Variants in FGF14 observed in about 807,000 individuals in gnomAD.
The protein encoded by FGF14 is fibroblast growth factor homologous factor 4.
FGF14 carries 5 observed loss-of-function variants against 25.5 expected under a neutral mutation model. That is an observed-to-expected ratio of 0.20 (90% CI 0.10 to 0.41). The LOEUF is 0.41. Among genes scored for constraint, FGF14 ranks in the 10% least tolerant of loss-of-function variants. FGF14 has a pLI of 1.00. For missense variants in FGF14, 222 were observed against 320.1 expected, an observed-to-expected ratio of 0.69 and a Z score of 2.34; for synonymous variants, 138 against 118.3, an observed-to-expected ratio of 1.17 and a Z score of -1.08.
chr13:102,195,047 C>T (rs1168460742), intron 1 of FGF14, among the ~76,000 whole-genome samples: 2 of 152,094 alleles, frequency 1.3e-5, no homozygotes, highest in East Asian at 3.9e-4. Flanking sequence ...AAAGTGAAGA[C>T]ATTGCCATAT....
At position 101,718,039 on chromosome 13, in the gene FGF14, GT is replaced by G. The variant is rs1214430372; in HGVS notation, c.*4791del. 1 of 152,074 alleles carries G rather than the reference GT, an allele frequency of 6.6e-6. No individual in the cohort carries two copies. Among genetic ancestry groups the G allele is most frequent in the Non-Finnish European group, 1.5e-5 (1 of 67,996 alleles). 9.4% of individuals were successfully genotyped at this position (152,074 alleles called of 1,614,324 possible). ...TATCATACCATAAAAAGTTCAAAAT[GT>G]GATTCATCTAAAATTTTGGACAAAG... On this transcript the variant is annotated 3_prime_UTR_variant, in exon 5 of 5. Transcript: ENST00000376143.
At chr13:101,863,223 G>T (rs2044516997) in intron 3 of FGF14, among the ~76,000 whole-genome samples, 1 of 152,084 alleles carries the variant, frequency 6.6e-6, no homozygotes, top group Non-Finnish European at 1.5e-5. Flanking sequence ...AAAAGATAAA[G>T]AATAAAATAA....
intron 1 of FGF14, among the ~76,000 whole-genome samples, chr13:102,399,979 T>G (rs567285861): frequency 3.3e-5 from 5 of 152,262 alleles, no homozygotes; most frequent in African/African-American, 9.6e-5. Context: ...GTCTAACAAC[T>G]CGCAGTTTCT....
chr13:101,943,824 A>T (rs57069031), intron 1 of FGF14, among the ~76,000 whole-genome samples: 55,928 of 125,576 alleles, frequency 0.45, 12,231 homozygotes, highest in East Asian at 0.59. Context: ...AAAAAAAAAA[A>T]AAATATATAT....
At chr13:101,868,597 C>T (rs548959237) in intron 3 of FGF14, 128 bp downstream of exon 3, 32 of 744,070 alleles carry the variant, frequency 4.3e-5, no homozygotes, top group South Asian at 3.5e-4. Flanking sequence ...TAAGCATTCT[C>T]GCAAAGATCA....
intron 1 of FGF14, among the ~76,000 whole-genome samples, chr13:102,200,216 T>G (rs1253071296): frequency 6.6e-6 from 1 of 152,210 alleles, no homozygotes; most frequent in Non-Finnish European, 1.5e-5. Flanking sequence ...GAATTTCATT[T>G]AATCCTTGTT....
intron 1 of FGF14, among the ~76,000 whole-genome samples, chr13:102,217,379 T>C: frequency 6.6e-6 from 1 of 152,198 alleles, no homozygotes; most frequent in South Asian, 2.1e-4. Context: ...AAAACGCTCA[T>C]AGAGACATTT....
At chr13:102,043,539 A>T (rs942821813) in intron 1 of FGF14, among the ~76,000 whole-genome samples, 1 of 152,172 alleles carries the variant, frequency 6.6e-6, no homozygotes, top group Non-Finnish European at 1.5e-5. Flanking sequence ...CCCTAGAGGG[A>T]TCAAATTGGG....
At chr13:101,966,472 G>GT (rs199927770) in intron 1 of FGF14, among the ~76,000 whole-genome samples, 1,775 of 151,582 alleles carry the variant, frequency 0.012, 41 homozygotes, top group African/African-American at 0.041. Flanking sequence ...AAATCTTGTG[G>GT]TTTTTTTTGT....
intron 1 of FGF14, among the ~76,000 whole-genome samples, chr13:102,160,342 G>C (rs972280051): frequency 1.3e-5 from 2 of 152,058 alleles, no homozygotes; most frequent in African/African-American, 4.8e-5. Flanking sequence ...GATGGCTCAA[G>C]CCCAGCTATG....
intron 1 of FGF14, among the ~76,000 whole-genome samples, chr13:102,168,638 GA>G (rs2048119600): frequency 6.6e-6 from 1 of 152,148 alleles, no homozygotes; most frequent in Admixed American, 6.5e-5. Flanking sequence ...GCATGTAGCA[GA>G]ATAATCACTG....
chr13:101,765,686 T>C (rs1398937011), intron 3 of FGF14, among the ~76,000 whole-genome samples: 6 of 151,504 alleles, frequency 4.0e-5, no homozygotes, highest in East Asian at 3.9e-4. Context: ...TCTGTGCATA[T>C]AGAAGCCTTT....
chr13:101,904,070 G>A (rs1214088778), intron 1 of FGF14, among the ~76,000 whole-genome samples: 6 of 152,150 alleles, frequency 3.9e-5, no homozygotes, highest in African/African-American at 1.4e-4. Context: ...TCTACACAGC[G>A]TGCAAAAGAA....
intron 1 of FGF14, among the ~76,000 whole-genome samples, chr13:102,232,625 A>G (rs2051135152): frequency 6.6e-6 from 1 of 152,226 alleles, no homozygotes. Flanking sequence ...CCAAGTCATA[A>G]GAGCAATTAT....
intron 1 of FGF14, among the ~76,000 whole-genome samples, chr13:102,369,673 T>C (rs769159890): frequency 2.4e-4 from 36 of 152,206 alleles, no homozygotes; most frequent in Non-Finnish European, 4.4e-4. Flanking sequence ...TCAACTGGTG[T>C]GCCTCCCTTA....
At chr13:102,326,731 GA>G (rs2056457429) in intron 1 of FGF14, among the ~76,000 whole-genome samples, 2 of 104,140 alleles carry the variant, frequency 1.9e-5, no homozygotes, top group African/African-American at 8.2e-5. Flanking sequence ...AGGAAGGAAG[GA>G]AGGAAGGAAG....
upstream of FGF14, among the ~76,000 whole-genome samples, chr13:101,918,112 TTCTG>T (rs951094709): frequency 5.9e-5 from 9 of 152,146 alleles, no homozygotes; most frequent in Non-Finnish European, 1.0e-4. Flanking sequence ...CCCCTTGATT[TTCTG>T]TCTGTGTCCC....
chr13:101,986,041 T>C (rs1267191609), intron 1 of FGF14, among the ~76,000 whole-genome samples: 1 of 152,072 alleles, frequency 6.6e-6, no homozygotes, highest in Non-Finnish European at 1.5e-5. Context: ...GTTAGGAAAT[T>C]AATTTTGCCT....
chr13:102,298,169 GA>G (rs912781092), intron 1 of FGF14, among the ~76,000 whole-genome samples: 3 of 151,958 alleles, frequency 2.0e-5, no homozygotes, highest in African/African-American at 4.8e-5. Context: ...ACGACTGGGG[GA>G]AAAAAACTCA....
Sources: allele counts gnomAD v4.1 joint callset (sites outside exome capture counted in the v4.1 genomes callset), GRCh38; gene constraint gnomAD v4.1.1; transcripts MANE v1.5; gene names NCBI Gene and HGNC (gene_info 2026-07-23, HGNC 2026-07-21).